TPGS2: variants seen among roughly 807,000 people sequenced by gnomAD.
The protein encoded by TPGS2 is tubulin polyglutamylase complex subunit 2.
A neutral mutation model predicts 31.1 loss-of-function variants in TPGS2; 26 were observed. The ratio of observed to expected loss-of-function variants is 0.84; its 90% CI spans 0.61 to 1.16. The LOEUF is 1.16. Ranked by LOEUF, TPGS2 falls within the 50% of genes most tolerant of loss-of-function variation. TPGS2 has a pLI of 0.00. For synonymous variants in TPGS2, 130 were observed against 136.6 expected (o/e 0.95, Z 0.34); for missense variants, 351 against 363.8 (o/e 0.96, Z 0.29).
chr18:36,828,130 T>G (rs1158711184), intron 1 of TPGS2, among the ~76,000 whole-genome samples: 3 of 151,636 alleles, frequency 2.0e-5, no homozygotes, highest in Non-Finnish European at 4.4e-5. Context: ...ATCGCGCCAT[T>G]GCACTCCAGC....
In TPGS2 at chr18:36,828,932, G is replaced by A. The variant is rs1600876055; in HGVS notation, c.-165C>T. 7.1e-6 allele frequency: 7 copies of A among 985,430 alleles called. No homozygotes were observed. In the South Asian group the frequency reaches 8.7e-5, roughly 12 times the overall value. The allele number at this position is 985,430 out of a possible 1,614,324, so 61.0% of individuals were successfully genotyped here. On this transcript the variant is annotated 5_prime_UTR_variant, in exon 1 of 7. It adds an upstream start codon to the 5' untranslated region. Transcript: ENST00000334295. ...GGGTTGGTCTGACAGCAGCAGCTCCGTGGGGCGCCGGTTCCCGCGGCCCCG... is the reference window on the plus strand; with the variant it reads ...GGGTTGGTCTGACAGCAGCAGCTCCATGGGGCGCCGGTTCCCGCGGCCCCG...
At chr18:36,788,493 T>C (rs1001820001) in intron 6 of TPGS2, among the ~76,000 whole-genome samples, 1 of 152,222 alleles carries the variant, frequency 6.6e-6, no homozygotes, top group African/African-American at 2.4e-5. Context: ...TAAGCTGTTT[T>C]TCCAGAGGTT....
chr18:36,828,722 G>T lies in TPGS2; in HGVS notation c.46C>A (p.His16Asn), dbSNP rs376163998. 6.2e-7 allele frequency: 1 copy of T among 1,614,104 alleles called. No individual in the cohort carries two copies. Among genetic ancestry groups the T allele is most frequent in the Non-Finnish European group, 8.5e-7 (1 of 1,179,994 alleles). ...ATGCCCAGGGTCAGCTTCTCCAGGT[G>T]CGGCTTGCTGCAGCCCAGCCCCGGG... is the stretch of plus-strand genomic sequence containing the variant. The part of the protein sequence containing the change: ...SSPGLGCSKP[H>N]LEKLTLGITR... The change falls in exon 1 of 7, where the codon CAC becomes AAC. Residue 16 changes from histidine to asparagine, a missense_variant. Transcript: ENST00000334295.
downstream of TPGS2, chr18:36,782,854 A>G: frequency 2.7e-6 from 1 of 375,732 alleles, no homozygotes; most frequent in African/African-American, 2.1e-5. Context: ...AAAAATGCCC[A>G]GTAACATGGG....
intron 5 of TPGS2, among the ~76,000 whole-genome samples, chr18:36,799,046 C>CA (rs200282679): frequency 0.012 from 1,776 of 152,220 alleles, 15 homozygotes; most frequent in Non-Finnish European, 0.019. Flanking sequence ...AAAAGTGCCA[C>CA]AAAAAACCAC....
chr18:36,788,702 GTTTTGT>G (rs931815222), intron 6 of TPGS2: 1 of 152,034 alleles, frequency 6.6e-6, no homozygotes, highest in African/African-American at 2.4e-5. Context: ...GTTTTGTTTT[GTTTTGT>G]TTTTAATTTT....
intron 2 of TPGS2, among the ~76,000 whole-genome samples, chr18:36,815,407 T>G (rs2045607696): frequency 6.6e-6 from 1 of 152,154 alleles, no homozygotes; most frequent in Non-Finnish European, 1.5e-5. Context: ...TTTTAAACTT[T>G]TTGGGGTTAT....
chr18:36,809,178 C>T (rs896886459), intron 2 of TPGS2, among the ~76,000 whole-genome samples: 1 of 152,182 alleles, frequency 6.6e-6, no homozygotes, highest in African/African-American at 2.4e-5. Context: ...GAACACATCA[C>T]TCTGTGAATC....
At chr18:36,808,309 C>A (rs1401331425) in intron 2 of TPGS2, among the ~76,000 whole-genome samples, 1 of 152,088 alleles carries the variant, frequency 6.6e-6, no homozygotes, top group Non-Finnish European at 1.5e-5. Context: ...ACATATCAGA[C>A]CCATGGTCAT....
At chr18:36,793,740 T>A (rs74637480), downstream of TPGS2, among the ~76,000 whole-genome samples, 2 of 113,330 alleles carry the variant, frequency 1.8e-5, no homozygotes, top group Non-Finnish European at 4.3e-5. Context: ...TTTCTTTTTC[T>A]TTTTTTTTTT....
At position 36,794,210 on chromosome 18, in the gene TPGS2, T is replaced by C. The variant is rs1424612453; in HGVS notation, c.*2595A>G. 2.2e-6 allele frequency: 2 copies of C among 919,764 alleles called. No individual in the cohort carries two copies. Among genetic ancestry groups the C allele is most frequent in the Admixed American group, 6.2e-5 (1 of 16,190 alleles). 57.0% of individuals were successfully genotyped at this position (919,764 alleles called of 1,614,324 possible). ...GACACTATGGAAGAAAGGAAAAACA[T>C]TACATTTTAGTACCTGTAAAGGTAA... On this transcript the variant is annotated 3_prime_UTR_variant, in exon 7 of 7. Transcript: ENST00000334295.
chr18:36,812,495 G>T (rs934887998), intron 2 of TPGS2, among the ~76,000 whole-genome samples: 3 of 152,208 alleles, frequency 2.0e-5, no homozygotes, highest in Non-Finnish European at 2.9e-5. Context: ...GCACATGGAA[G>T]TTCCTGTAGT....
intron 1 of TPGS2, among the ~76,000 whole-genome samples, chr18:36,823,457 C>CTTTTTTTTTTTTTT (rs1193182256): frequency 2.0e-4 from 21 of 107,070 alleles, no homozygotes; most frequent in Non-Finnish European, 3.3e-4. Context: ...TTGTTAACAG[C>CTTTTTTTTTTTTTT]TTGTTTTTTT....
In TPGS2 at chr18:36,794,271, T is replaced by A; in HGVS notation, c.*2534A>T. 1.0e-6 allele frequency: 1 copy of A among 985,316 alleles called. No homozygotes were observed. The highest frequency in any genetic ancestry group is 4.7e-5 in the South Asian group (1 of 21,284). 61.0% of individuals were successfully genotyped at this position (985,316 alleles called of 1,614,324 possible). A position where few individuals can be genotyped will look rare whatever the true frequency, so the allele number is the denominator to read the frequency against. ...CTGTTTGCACAAAAGCCTCACATCT[T>A]CATTTTGTACTGGATCCTGCACTGA... On this transcript the variant is annotated 3_prime_UTR_variant, in exon 7 of 7. Transcript: ENST00000334295.
chr18:36,824,853 G>T (rs1219968520), intron 1 of TPGS2, among the ~76,000 whole-genome samples: 1 of 151,830 alleles, frequency 6.6e-6, no homozygotes, highest in Non-Finnish European at 1.5e-5. Flanking sequence ...TTTAAATTTT[G>T]ATTAAACCCA....
Position 36,796,911 on chromosome 18 carries a change from G to A in TPGS2, c.797C>T (p.Pro266Leu). Residue 266 changes from proline to leucine, a missense_variant, in exon 7 of 7, where the codon CCT (proline) becomes CTT (leucine). Transcript: ENST00000334295. ...TTTCTGGCCACCTGCAGGCTGCACA[G>A]GCCCTTTCTTTTTTGGGATTACGAT... The part of the protein sequence containing the change: ...NKIVIPKKKG[P>L]VQPAGGQKGP... 2 of 1,610,440 alleles carry A rather than the reference G, an allele frequency of 1.2e-6. No homozygotes were observed. The highest frequency in any genetic ancestry group is 1.1e-5 in the South Asian group (1 of 89,832).
At chr18:36,807,162 C>A (rs1301580124) in intron 3 of TPGS2, among the ~76,000 whole-genome samples, 1 of 152,118 alleles carries the variant, frequency 6.6e-6, no homozygotes, top group Non-Finnish European at 1.5e-5. Flanking sequence ...ACGGGCTGGG[C>A]TCCTGTGGCT....
rs1041391046 is a variant in TPGS2 at position 36,796,415 on chromosome 18, A to G, written c.*390T>C. 7.2e-5 allele frequency: 72 copies of G among 1,005,882 alleles called. No homozygotes were observed. The highest frequency in any genetic ancestry group is 8.2e-5 in the Non-Finnish European group (69 of 843,952). The allele number at this position is 1,005,882 out of a possible 1,614,324, so 62.3% of individuals were successfully genotyped here. A position where few individuals can be genotyped will look rare whatever the true frequency, so the allele number is the denominator to read the frequency against. On this transcript the variant is annotated 3_prime_UTR_variant, in exon 7 of 7. Coordinates refer to ENST00000334295, the MANE Select transcript of TPGS2 (RefSeq NM_015476.4). ...CAATTTACTTTAAATTTAAATAGTC[A>G]TATGTGACTAGTGGCTCCTGAATGA...
intron 5 of TPGS2, 27 bp downstream of exon 5, chr18:36,800,171 G>A (rs187517503): frequency 4.8e-5 from 77 of 1,602,558 alleles, no homozygotes; most frequent in Admixed American, 1.3e-4. Flanking sequence ...GCCAAACTAC[G>A]GGACCACGCT....
Sources: gnomAD v4.1 joint callset for allele counts (sites outside exome capture counted in the v4.1 genomes callset) on GRCh38, gnomAD v4.1.1 for gene constraint, MANE v1.5 for transcripts, NCBI Gene and HGNC (gene_info 2026-07-23, HGNC 2026-07-21) for gene names.